Variants in RGSL1 observed in about 807,000 individuals in gnomAD.
RGSL1 encodes the protein regulator of G protein signaling like 1, also known as regulator of G protein signaling protein-like.
Under a neutral mutation model 124.7 loss-of-function variants are expected in RGSL1, and 97 were observed. That is an observed-to-expected ratio of 0.78 (90% CI 0.66 to 0.92). RGSL1 has a LOEUF of 0.92. Ranked by LOEUF, RGSL1 falls within the 40% of genes least tolerant of loss-of-function variation. The pLI is 0.00. For synonymous variants in RGSL1, 424 were observed against 438.1 expected (o/e 0.97, Z 0.40); for missense variants, 1,233 against 1,288.4 (o/e 0.96, Z 0.66).
chr1:182,508,394 G>A (rs1657009962), intron 9 of RGSL1, among the ~76,000 whole-genome samples: 1 of 141,710 alleles, frequency 7.1e-6, no homozygotes, highest in Non-Finnish European at 1.5e-5. Context: ...CCGCCTCCCG[G>A]GTTCAAGTGA....
At chr1:182,530,681 C>A in intron 12 of RGSL1, 109 bp from the exon 13 acceptor site, 1 of 1,249,942 alleles carries the variant, frequency 8.0e-7, no homozygotes, top group Non-Finnish European at 1.1e-6. Context: ...TACTATTCCC[C>A]AATTACCACT....
rs148839424 is a variant in RGSL1, at chr1:182,490,281, CCTT to C, written c.1717+1082_1717+1084del. Among the ~76,000 whole-genome samples, 658 of 152,306 alleles carry C rather than the reference CCTT, an allele frequency of 4.3e-3. 3 individuals carry two copies. Among genetic ancestry groups the C allele is most frequent in the African/African-American group, 0.015 (632 of 41,552 alleles). On this transcript the variant is annotated intron_variant, in intron 8 of 21. Coordinates refer to ENST00000294854, the MANE Select transcript of RGSL1 (RefSeq NM_001137669.2). ...GCACTGTGAGCTTGGGCAAGTTACT[CCTT>C]CTCTCTGAACCTAATTTCTTCATCT...
chr1:182,477,389 C>T (rs544236337), intron 6 of RGSL1, among the ~76,000 whole-genome samples: 70 of 152,298 alleles, frequency 4.6e-4, no homozygotes, highest in Non-Finnish European at 8.7e-4. Context: ...TCATTAGACA[C>T]GGAAGCAGCC....
chr1:182,540,804 C>T (rs567695409), intron 15 of RGSL1, among the ~76,000 whole-genome samples: 1 of 152,260 alleles, frequency 6.6e-6, no homozygotes, highest in South Asian at 2.1e-4. Context: ...TGACATTAAA[C>T]AGATATTTTT....
chr1:182,522,144 A>G (rs1658393242), intron 10 of RGSL1, 35 bp downstream of exon 10: 1 of 1,419,856 alleles, frequency 7.0e-7, no homozygotes, highest in Non-Finnish European at 9.6e-7. Flanking sequence ...CAACATCTTC[A>G]GGTACATGCT....
intron 15 of RGSL1, among the ~76,000 whole-genome samples, chr1:182,547,053 C>A (rs949498690): frequency 1.3e-5 from 2 of 152,236 alleles, no homozygotes; most frequent in African/African-American, 2.4e-5. Context: ...CTTCTACTCA[C>A]CCCAGTGATG....
At chr1:182,558,299 C>T (rs1310352118) in intron 21 of RGSL1, among the ~76,000 whole-genome samples, 1 of 152,096 alleles carries the variant, frequency 6.6e-6, no homozygotes, top group East Asian at 1.9e-4. Flanking sequence ...CCAGGGGCCA[C>T]TGCCGTCTAA....
Position 182,553,542 on chromosome 1 carries a change from G to T in RGSL1, c.3130+1G>T. 1 of 1,551,650 alleles carries T rather than the reference G, an allele frequency of 6.4e-7. No homozygotes were observed. Among genetic ancestry groups the T allele is most frequent in the Non-Finnish European group, 8.7e-7 (1 of 1,146,880 alleles). On this transcript the variant is annotated splice_donor_variant, in intron 19 of 21. Coordinates refer to ENST00000294854, the MANE Select transcript of RGSL1 (RefSeq NM_001137669.2). LOFTEE classifies it high-confidence loss of function. ...GAAGCAATAAGTTCAGTTCAAAATT[G>T]TGAGTTGGAATTGGATCCCCACTGA...
chr1:182,553,592 G>A (rs1660696140), intron 19 of RGSL1, 51 bp downstream of exon 19: 1 of 1,496,154 alleles, frequency 6.7e-7, no homozygotes, highest in Admixed American at 2.0e-5. Flanking sequence ...ATCAGAGGGG[G>A]ACTTTAAAAC....
Position 182,493,098 on chromosome 1 carries a change from C to A in RGSL1, c.1794C>A (p.Tyr598Ter), listed in dbSNP as rs1655656399. 1 of 1,551,352 alleles carries A rather than the reference C, an allele frequency of 6.4e-7. No homozygotes were observed. The highest frequency in any genetic ancestry group is 8.7e-7 in the Non-Finnish European group (1 of 1,146,686). Residue 598 changes from tyrosine to a stop codon, truncating the protein, a stop_gained, in exon 9 of 22, where the codon TAC becomes TAA. Coordinates refer to ENST00000294854, the MANE Select transcript of RGSL1 (RefSeq NM_001137669.2). LOFTEE classifies it high-confidence loss of function. ...KMAIQKISDD[Y>*]KIYCEKAPKI... Reference sequence around the variant, plus strand: ...CCATACAGAAGATCAGTGATGACTACAAAATATACTGTGAGAAAGCACCTA... The same window carrying A: ...CCATACAGAAGATCAGTGATGACTAAAAAATATACTGTGAGAAAGCACCTA...
At chr1:182,510,671 G>T (rs1571613834) in intron 9 of RGSL1, among the ~76,000 whole-genome samples, 1 of 35,858 alleles carries the variant, frequency 2.8e-5, no homozygotes, top group Non-Finnish European at 6.3e-5. Flanking sequence ...AGAGTGAGAG[G>T]GAGAGGGAGA....
intron 15 of RGSL1, among the ~76,000 whole-genome samples, chr1:182,541,015 A>G (rs940077912): frequency 6.6e-6 from 1 of 152,190 alleles, no homozygotes; most frequent in African/African-American, 2.4e-5. Context: ...TGATATTTTC[A>G]TATACTCATA....
intron 7 of RGSL1, 108 bp from the exon 8 acceptor site, chr1:182,488,872 A>G (rs760781680): frequency 3.9e-5 from 33 of 837,024 alleles, no homozygotes; most frequent in Non-Finnish European, 5.3e-5. Flanking sequence ...AACAACCTGC[A>G]TAAGACCATG....
intron 15 of RGSL1, among the ~76,000 whole-genome samples, chr1:182,546,148 T>C (rs1660198035): frequency 6.6e-6 from 1 of 152,210 alleles, no homozygotes; most frequent in Non-Finnish European, 1.5e-5. Flanking sequence ...ATATTTGAGT[T>C]CTGAGATAGT....
At chr1:182,542,316 G>A (rs1051564917) in intron 15 of RGSL1, among the ~76,000 whole-genome samples, 2 of 152,168 alleles carry the variant, frequency 1.3e-5, no homozygotes, top group East Asian at 1.9e-4. Flanking sequence ...TTATTGAAGA[G>A]ACGGTCCTTT....
chr1:182,499,864 G>C (rs1237559056), intron 9 of RGSL1, among the ~76,000 whole-genome samples: 3 of 152,034 alleles, frequency 2.0e-5, no homozygotes, highest in Non-Finnish European at 4.4e-5. Context: ...GGCAGGTCTG[G>C]TGGCAACAAA....
intron 2 of RGSL1, among the ~76,000 whole-genome samples, chr1:182,456,066 AT>A (rs1652295022): frequency 6.6e-6 from 1 of 152,236 alleles, no homozygotes; most frequent in South Asian, 2.1e-4. Context: ...AGTAGAGGAG[AT>A]TGTTAACAAA....
intron 10 of RGSL1, among the ~76,000 whole-genome samples, chr1:182,524,158 T>C (rs560028071): frequency 2.0e-5 from 3 of 152,002 alleles, no homozygotes; most frequent in Non-Finnish European, 4.4e-5. Flanking sequence ...TAGAAAAAGG[T>C]ATTGGGTAGA....
intron 11 of RGSL1, among the ~76,000 whole-genome samples, chr1:182,528,037 G>A (rs921349170): frequency 3.3e-5 from 5 of 152,192 alleles, no homozygotes; most frequent in African/African-American, 1.2e-4. Context: ...AAGAAAAGAG[G>A]ATTGATTGAC....
Sources: gnomAD v4.1 joint callset for allele counts (sites outside exome capture counted in the v4.1 genomes callset) on GRCh38, gnomAD v4.1.1 for gene constraint, MANE v1.5 for transcripts, NCBI Gene and HGNC (gene_info 2026-07-23, HGNC 2026-07-21) for gene names.